PRKG1: variants seen among roughly 807,000 people sequenced by gnomAD.
PRKG1 encodes the protein cGMP-dependent protein kinase 1.
Under a neutral mutation model 88.1 loss-of-function variants are expected in PRKG1, and 35 were observed. The observed-to-expected ratio is 0.40, with a 90% CI of 0.30 to 0.53. PRKG1 has a LOEUF of 0.53. Ranked by LOEUF, PRKG1 falls within the 20% of genes least tolerant of loss-of-function variation. PRKG1 has a pLI of 0.59. For missense variants in PRKG1, 540 were observed against 839.8 expected (o/e 0.64, Z 4.41); for synonymous variants, 303 against 292.5 (o/e 1.04, Z -0.37).
chr10:51,461,222 A>G (rs575042362), intron 2 of PRKG1, among the ~76,000 whole-genome samples: 1 of 152,290 alleles, frequency 6.6e-6, no homozygotes, highest in Non-Finnish European at 1.5e-5. Flanking sequence ...TCACTCATGT[A>G]GCTTCAACCT....
At chr10:51,528,110 C>T (rs1039423738) in intron 3 of PRKG1, among the ~76,000 whole-genome samples, 3 of 152,184 alleles carry the variant, frequency 2.0e-5, no homozygotes, top group African/African-American at 7.2e-5. Flanking sequence ...GAGCAAATGT[C>T]ATTACGGAGA....
chr10:51,006,351 G>A (rs1842940374), intron 1 of PRKG1, among the ~76,000 whole-genome samples: 2 of 152,124 alleles, frequency 1.3e-5, no homozygotes, highest in South Asian at 2.1e-4. Context: ...ACCTCTCAAG[G>A]TTGTTGAGAG....
chr10:51,673,939 T>C (rs1840645923), intron 3 of PRKG1, among the ~76,000 whole-genome samples: 1 of 152,180 alleles, frequency 6.6e-6, no homozygotes, highest in Non-Finnish European at 1.5e-5. Flanking sequence ...TTTCCCCCTT[T>C]GGATAGTGTC....
chr10:51,922,834 G>A (rs950706518), intron 5 of PRKG1, among the ~76,000 whole-genome samples: 4 of 151,892 alleles, frequency 2.6e-5, no homozygotes, highest in Non-Finnish European at 4.4e-5. Flanking sequence ...CCTGATGAAT[G>A]TTCCATGTAA....
chr10:51,625,663 C>T (rs779520367), intron 3 of PRKG1, among the ~76,000 whole-genome samples: 1 of 150,842 alleles, frequency 6.6e-6, no homozygotes, highest in Non-Finnish European at 1.5e-5. Context: ...TTTAATAGTG[C>T]ATTTAAAATG....
intron 3 of PRKG1, among the ~76,000 whole-genome samples, chr10:51,561,953 T>G (rs941755053): frequency 6.6e-6 from 1 of 152,106 alleles, no homozygotes; most frequent in South Asian, 2.1e-4. Context: ...CTGGGCACAG[T>G]GACTCATGCC....
intron 10 of PRKG1, among the ~76,000 whole-genome samples, chr10:52,261,345 G>A (rs1208806069): frequency 6.6e-6 from 1 of 152,040 alleles, no homozygotes; most frequent in Non-Finnish European, 1.5e-5. Flanking sequence ...GAAGAAGAGA[G>A]ACCCTCTCTT....
rs567139113 is a variant in PRKG1 at position 52,016,362 on chromosome 10, G to A, written c.763-38122G>A. ...ATCTGCCAAACAGTTTTAAACCATCGGATCTTGTTAGAACTCACTCATTAT... is the reference window on the plus strand; with the variant it reads ...ATCTGCCAAACAGTTTTAAACCATCAGATCTTGTTAGAACTCACTCATTAT... On this transcript the variant is annotated intron_variant, in intron 5 of 17. Coordinates refer to ENST00000373980, the MANE Select transcript of PRKG1 (RefSeq NM_006258.4). 3.9e-5 allele frequency among the ~76,000 whole-genome samples: 6 copies of A among 152,202 alleles called. No homozygotes were observed. The East Asian group carries it at 9.7e-4, about 24-fold the overall frequency.
chr10:51,866,336 C>T (rs72799475), intron 4 of PRKG1, among the ~76,000 whole-genome samples: 2,066 of 151,956 alleles, frequency 0.014, 20 homozygotes, highest in South Asian at 0.038. Context: ...CATTTGAAAC[C>T]ATAGATATAT....
chr10:51,475,571 A>G (rs752512788), intron 3 of PRKG1, among the ~76,000 whole-genome samples: 3 of 152,078 alleles, frequency 2.0e-5, no homozygotes, highest in Non-Finnish European at 2.9e-5. Context: ...TATTGGCATC[A>G]TTGCAGCTTT....
chr10:51,063,074 C>T (rs1009189928), intron 1 of PRKG1: 97 of 152,210 alleles, frequency 6.4e-4, no homozygotes, highest in African/African-American at 2.3e-3. Flanking sequence ...TTCTGTTTTT[C>T]TGATTTTTAA....
chr10:51,360,856 AT>A (rs1483635112), intron 2 of PRKG1, among the ~76,000 whole-genome samples: 3 of 151,848 alleles, frequency 2.0e-5, no homozygotes, highest in Non-Finnish European at 2.9e-5. Flanking sequence ...TAGAGGTGAG[AT>A]TTGTCTCTGA....
chr10:51,997,222 C>T (rs1293583345), intron 5 of PRKG1, among the ~76,000 whole-genome samples: 2 of 151,948 alleles, frequency 1.3e-5, no homozygotes, highest in African/African-American at 4.8e-5. Context: ...TCTGTAATCC[C>T]AGCACTTTGG....
intron 7 of PRKG1, among the ~76,000 whole-genome samples, chr10:52,098,583 G>A (rs1484594435): frequency 6.6e-6 from 1 of 152,204 alleles, no homozygotes. Context: ...GGCCGAGAGA[G>A]GTGGATAACG....
intron 12 of PRKG1, among the ~76,000 whole-genome samples, chr10:52,277,928 T>A (rs1231356359): frequency 1.3e-5 from 2 of 152,012 alleles, no homozygotes; most frequent in Non-Finnish European, 2.9e-5. Context: ...GTAGAAATAA[T>A]CTCCTCTTCT....
intron 2 of PRKG1, among the ~76,000 whole-genome samples, chr10:51,206,808 T>C (rs1838073904): frequency 6.6e-6 from 1 of 152,192 alleles, no homozygotes; most frequent in Admixed American, 6.5e-5. Context: ...GGCAGGACTT[T>C]ACTAATTGGG....
chr10:51,306,249 A>C (rs541728271), intron 2 of PRKG1, among the ~76,000 whole-genome samples: 16 of 152,274 alleles, frequency 1.1e-4, no homozygotes, highest in African/African-American at 2.6e-4. Flanking sequence ...TTTGTACCCA[A>C]ATTTCATAGT....
intron 2 of PRKG1, among the ~76,000 whole-genome samples, chr10:51,196,581 T>A (rs1328207461): frequency 6.6e-6 from 1 of 152,198 alleles, no homozygotes; most frequent in Non-Finnish European, 1.5e-5. Flanking sequence ...ATAACTGTGA[T>A]ACTTTACCTT....
At chr10:51,324,978 C>A (rs984733659) in intron 2 of PRKG1, among the ~76,000 whole-genome samples, 4 of 152,136 alleles carry the variant, frequency 2.6e-5, no homozygotes, top group Non-Finnish European at 4.4e-5. Flanking sequence ...AATAGCTGTA[C>A]TAATTTACAC....
Sources: allele counts gnomAD v4.1 joint callset (sites outside exome capture counted in the v4.1 genomes callset), GRCh38; gene constraint gnomAD v4.1.1; transcripts MANE v1.5; gene names NCBI Gene and HGNC (gene_info 2026-07-23, HGNC 2026-07-21).